Variants in POLR1F observed in about 807,000 individuals in gnomAD.
The protein encoded by POLR1F is RNA polymerase I subunit F.
In POLR1F, 23 loss-of-function variants were observed where a neutral mutation model predicts 21.8. That is an observed-to-expected ratio of 1.05 (90% CI 0.76 to 1.49). POLR1F has a LOEUF of 1.49. POLR1F is among the 40% of genes most tolerant of loss of function. The probability of loss-of-function intolerance (pLI) is 0.00; values close to 1 mark genes in which losing one functional copy is unlikely to be tolerated. For synonymous variants in POLR1F, 162 were observed against 152.8 expected, an observed-to-expected ratio of 1.06 and a Z score of -0.45; for missense variants, 435 against 412.1, an observed-to-expected ratio of 1.06 and a Z score of -0.48.
At position 19,696,917 on chromosome 7, in the gene POLR1F, A is replaced by T. The variant is rs994624855; in HGVS notation, c.*1399T>A. 1.2e-4 allele frequency: 19 copies of T among 152,138 alleles called. No homozygotes were observed. The highest frequency in any genetic ancestry group is 4.6e-4 in the Admixed American group (7 of 15,278). 9.4% of individuals were successfully genotyped at this position (152,138 alleles called of 1,614,324 possible). On this transcript the variant is annotated 3_prime_UTR_variant, in exon 4 of 4. Transcript: ENST00000222567. ...CAATAGTCACATGAATCTCAATTGT[A>T]ATCAAAGAGGTTGGCCTGCATCCTT... is the stretch of plus-strand genomic sequence containing the variant.
At chr7:19,707,562 A>G (rs1390591733) in intron 1 of POLR1F, among the ~76,000 whole-genome samples, 1 of 152,144 alleles carries the variant, frequency 6.6e-6, no homozygotes, top group Non-Finnish European at 1.5e-5. Flanking sequence ...GTTCACATCC[A>G]GTATCCGTTT....
At chr7:19,700,464 T>G (rs1783434142) in intron 2 of POLR1F, 184 bp from the exon 3 acceptor site, 2 of 576,340 alleles carry the variant, frequency 3.5e-6, no homozygotes, top group South Asian at 2.3e-5. Context: ...AACATCACTT[T>G]AGAATACCAC....
chr7:19,702,643 A>G (rs572810881), intron 2 of POLR1F, among the ~76,000 whole-genome samples: 2 of 152,350 alleles, frequency 1.3e-5, no homozygotes, highest in African/African-American at 4.8e-5. Context: ...ACAGATTGGA[A>G]GAAAATATTC....
At chr7:19,702,108 A>G (rs1783453876) in intron 2 of POLR1F, among the ~76,000 whole-genome samples, 1 of 152,168 alleles carries the variant, frequency 6.6e-6, no homozygotes, top group Non-Finnish European at 1.5e-5. Flanking sequence ...TGTACAACAC[A>G]AAGACTGAAC....
rs1369581457 is a variant in POLR1F, at chr7:19,698,542, G to T, written c.791C>A (p.Thr264Asn). Residue 264 changes from threonine (T) to asparagine (N), a missense_variant, in exon 4 of 4, where the codon ACT (threonine) becomes AAT (asparagine). Thr to Asn is a moderately conservative substitution (Grantham distance 65, BLOSUM62 0). Coordinates refer to ENST00000222567, the MANE Select transcript of POLR1F (RefSeq NM_001002926.2). ...CTCCCAGATGCCATTCGCATTATTAGTATTCTGCAGGGCTGACTCTTCCAT... is the reference window on the plus strand; with the variant it reads ...CTCCCAGATGCCATTCGCATTATTATTATTCTGCAGGGCTGACTCTTCCAT... Reference protein sequence around the residue: ...TPMEESALQNTNNANGIWEEE... With the variant: ...TPMEESALQNNNNANGIWEEE... 6.2e-7 allele frequency: 1 copy of T among 1,607,900 alleles called. No homozygotes were observed. Among genetic ancestry groups the T allele is most frequent in the Non-Finnish European group, 8.5e-7 (1 of 1,178,504 alleles).
Position 19,698,666 on chromosome 7 carries a change from C to T in POLR1F, c.667G>A (p.Ala223Thr). The T allele has an allele frequency of 6.3e-7, 1 of 1,587,524 alleles. No individual in the cohort carries two copies. The highest frequency in any genetic ancestry group is 8.5e-7 in the Non-Finnish European group (1 of 1,173,274). ...TTTTTCTTCTTTTTAGGTTTTTTAG[C>T]AGCTTCCTCAGTGCCATTTTCTGTA... ...EVTENGTEEA[A>T]KKPKKKKKKK... Residue 223 changes from alanine (A) to threonine (T), a missense_variant, in exon 4 of 4, where the codon GCT (alanine) becomes ACT (threonine). Ala to Thr is a moderately conservative substitution (Grantham distance 58). Coordinates refer to ENST00000222567, the MANE Select transcript of POLR1F (RefSeq NM_001002926.2).
chr7:19,698,101 T>G lies in POLR1F; in HGVS notation c.*215A>C. On this transcript the variant is annotated 3_prime_UTR_variant, in exon 4 of 4. Coordinates refer to ENST00000222567, the MANE Select transcript of POLR1F (RefSeq NM_001002926.2). The stretch of plus-strand genomic sequence containing the variant: ...GCTGACAGTGAGAGCAGCTTTTTAT[T>G]TTGTATAAAATGGTATTTTAACAAT... The G allele has an allele frequency of 2.5e-6, 1 of 395,620 alleles. No homozygotes were observed. 24.5% of individuals were successfully genotyped at this position (395,620 alleles called of 1,614,324 possible).
Position 19,708,819 on chromosome 7 carries a change from C to T in POLR1F, c.198G>A (p.Arg66=). 1 of 1,614,152 alleles carries T rather than the reference C, an allele frequency of 6.2e-7. No homozygotes were observed. Among genetic ancestry groups the T allele is most frequent in the Non-Finnish European group, 8.5e-7 (1 of 1,179,972 alleles). The part of the protein sequence containing the change: ...HIALSPRYLN[R]KRTGIREQLD... ...GCTGTTCTCGAATGCCGGTGCGTTT[C>T]CTGTTAAGGTAGCGGGGCGACAGCG... The change falls in exon 1 of 4, where the codon AGG becomes AGA. Residue 66 remains arginine (R), a synonymous_variant. Coordinates refer to ENST00000222567, the MANE Select transcript of POLR1F (RefSeq NM_001002926.2).
Position 19,695,763 on chromosome 7 carries a change from G to A in POLR1F, c.*2553C>T, listed in dbSNP as rs530908708. 6.6e-6 allele frequency: 1 copy of A among 152,108 alleles called. No individual in the cohort carries two copies. Among genetic ancestry groups the A allele is most frequent in the Non-Finnish European group, 1.5e-5 (1 of 67,962 alleles). 9.4% of individuals were successfully genotyped at this position (152,108 alleles called of 1,614,324 possible). ...AAGTTTATGCGAAGGTGGTGCCTGA[G>A]GTCTTTTACATTAGATAACTTCTTA... On this transcript the variant is annotated 3_prime_UTR_variant, in exon 4 of 4. Coordinates refer to ENST00000222567, the MANE Select transcript of POLR1F (RefSeq NM_001002926.2).
At chr7:19,706,114 A>G (rs191007786) in intron 1 of POLR1F, among the ~76,000 whole-genome samples, 13 of 152,360 alleles carry the variant, frequency 8.5e-5, no homozygotes, top group Admixed American at 2.6e-4. Flanking sequence ...CACATAAAAT[A>G]AGGGAAAGAA....
chr7:19,702,468 G>A lies in POLR1F; in HGVS notation c.397-2188C>T, dbSNP rs190474702. ...ATGGAAAAGCTAAAACTAAAAGCTT[G>A]TAGAAGTCGACAGAACAGTATCTGC... is the stretch of plus-strand genomic sequence containing the variant. On this transcript the variant is annotated intron_variant, in intron 2 of 3. Transcript: ENST00000222567. Among the ~76,000 whole-genome samples, 15 of 152,296 alleles carry A rather than the reference G, an allele frequency of 9.8e-5. No homozygotes were observed. The East Asian group carries it at 2.7e-3, about 27-fold the overall frequency.
At position 19,698,269 on chromosome 7, in the gene POLR1F, T is replaced by G; in HGVS notation, c.*47A>C. ...ATCACTGAAAACATTTATTCATCTA[T>G]TGTATGTAGATCGATCTTTTAAAAA... On this transcript the variant is annotated 3_prime_UTR_variant, in exon 4 of 4. Coordinates refer to ENST00000222567, the MANE Select transcript of POLR1F (RefSeq NM_001002926.2). 1 of 1,493,368 alleles carries G rather than the reference T, an allele frequency of 6.7e-7. No homozygotes were observed. Among genetic ancestry groups the G allele is most frequent in the Non-Finnish European group, 8.9e-7 (1 of 1,120,264 alleles). 92.5% of individuals were successfully genotyped at this position (1,493,368 alleles called of 1,614,324 possible). A position where few individuals can be genotyped will look rare whatever the true frequency, so the allele number is the denominator to read the frequency against.
chr7:19,700,393 A>C, intron 2 of POLR1F, 113 bp from the exon 3 acceptor site: 1 of 783,010 alleles, frequency 1.3e-6, no homozygotes, highest in Non-Finnish European at 2.1e-6. Flanking sequence ...CATCAAATTA[A>C]TGGTCTAATT....
chr7:19,700,312 T>A, intron 2 of POLR1F, 32 bp from the exon 3 acceptor site: 1 of 1,549,730 alleles, frequency 6.5e-7, no homozygotes, highest in Non-Finnish European at 8.9e-7. Flanking sequence ...GAGCGTAACA[T>A]AAAGAACACA....
At position 19,704,901 on chromosome 7, in the gene POLR1F, C is replaced by A; in HGVS notation, c.274G>T (p.Ala92Ser). Residue 92 changes from alanine to serine, a missense_variant, in exon 2 of 4, where the codon GCA (alanine) becomes TCA (serine). Coordinates refer to ENST00000222567, the MANE Select transcript of POLR1F (RefSeq NM_001002926.2). Reference sequence around the variant, plus strand: ...CCCACAACTTTGATGTTATCATATGCAATAGGGACACCTAAAAGGCTGTAA... The same window carrying A: ...CCCACAACTTTGATGTTATCATATGAAATAGGGACACCTAAAAGGCTGTAA... Reference protein sequence around the residue: ...YSESLLGVPIAYDNIKVVGEL... With the variant: ...YSESLLGVPISYDNIKVVGEL... The A allele has an allele frequency of 6.3e-7, 1 of 1,589,716 alleles. No homozygotes were observed. The highest frequency in any genetic ancestry group is 1.9e-5 in the Admixed American group (1 of 53,198).
At position 19,699,128 on chromosome 7, in the gene POLR1F, T is replaced by C. The variant is rs76462900; in HGVS notation, c.606-401A>G. Among the ~76,000 whole-genome samples the C allele has an allele frequency of 4.5e-3, 684 of 152,230 alleles. 14 individuals carry two copies. In the East Asian group the frequency reaches 0.068, roughly 15 times the overall value. On this transcript the variant is annotated intron_variant, in intron 3 of 3. Coordinates refer to ENST00000222567, the MANE Select transcript of POLR1F (RefSeq NM_001002926.2). ...TATTAACCAAACCACTGACATCTAA[T>C]AGAAAATATGATCTGGTATTTATCA...
At position 19,698,210 on chromosome 7, in the gene POLR1F, T is replaced by C. The variant is rs17141790; in HGVS notation, c.*106A>G. 4,624 of 1,061,260 alleles carry C rather than the reference T, an allele frequency of 4.4e-3. 160 individuals are homozygous for C. In the African/African-American group the frequency reaches 0.069, roughly 16 times the overall value. 65.7% of individuals were successfully genotyped at this position (1,061,260 alleles called of 1,614,324 possible). ...CCTACTCCTAGTTAAGTATTTTCTG[T>C]TTTGTAAACTACTGGCATACTTAAC... On this transcript the variant is annotated 3_prime_UTR_variant, in exon 4 of 4. Transcript: ENST00000222567.
At chr7:19,702,686 A>G (rs1313750801) in intron 2 of POLR1F, among the ~76,000 whole-genome samples, 2 of 152,234 alleles carry the variant, frequency 1.3e-5, no homozygotes, top group Non-Finnish European at 2.9e-5. Flanking sequence ...TCATTTTAAG[A>G]CTAAAAAGAA....
At chr7:19,705,769 T>C (rs145108809) in intron 1 of POLR1F, among the ~76,000 whole-genome samples, 2 of 152,246 alleles carry the variant, frequency 1.3e-5, no homozygotes, top group Non-Finnish European at 2.9e-5. Context: ...AAAGACCTAG[T>C]GGTGGGAGGC....
Sources: allele counts gnomAD v4.1 joint callset (sites outside exome capture counted in the v4.1 genomes callset), GRCh38; gene constraint gnomAD v4.1.1; transcripts MANE v1.5; gene names NCBI Gene and HGNC (gene_info 2026-07-23, HGNC 2026-07-21).